The following SEMA3A variants were observed in gnomAD, a reference collection of about 807,000 sequenced individuals.
SEMA3A encodes the protein semaphorin 3A, also known as semaphorin-3A.
A neutral mutation model predicts 97.9 loss-of-function variants in SEMA3A; 29 were observed. The ratio of observed to expected loss-of-function variants is 0.30; its 90% CI spans 0.22 to 0.40. The LOEUF is 0.40. Among genes scored for constraint, SEMA3A ranks in the 10% least tolerant of loss-of-function variants. The probability of loss-of-function intolerance (pLI) is 1.00; values close to 1 mark genes in which losing one functional copy is unlikely to be tolerated. For missense variants in SEMA3A, 763 were observed against 951.3 expected (o/e 0.80, Z 2.60); for synonymous variants, 321 against 323.7 (o/e 0.99, Z 0.09).
intron 2 of SEMA3A, among the ~76,000 whole-genome samples, chr7:84,355,611 A>T (rs1315885990): frequency 6.6e-6 from 1 of 151,816 alleles, no homozygotes. Context: ...AAAATCCCCT[A>T]ATTTATCAAC....
chr7:84,270,182 C>T (rs1800107797), intron 3 of SEMA3A, among the ~76,000 whole-genome samples: 1 of 151,994 alleles, frequency 6.6e-6, no homozygotes, highest in South Asian at 2.1e-4. Flanking sequence ...CTACATTTTG[C>T]TTTATTTCTC....
At chr7:84,149,330 A>G (rs1236256933) in intron 1 of SEMA3A, among the ~76,000 whole-genome samples, 1 of 152,186 alleles carries the variant, frequency 6.6e-6, no homozygotes, top group Non-Finnish European at 1.5e-5. Context: ...ATTGTCTACA[A>G]TTGGGTCATA....
At chr7:84,490,199 CAAAAAAAAAA>C (rs35030948) in intron 1 of SEMA3A, among the ~76,000 whole-genome samples, 1 of 101,028 alleles carries the variant, frequency 9.9e-6, no homozygotes, top group South Asian at 3.5e-4. Flanking sequence ...GCTTTTCCAG[CAAAAAAAAAA>C]AAAAAAAAAA....
chr7:84,411,966 G>A (rs1804280833), intron 1 of SEMA3A, among the ~76,000 whole-genome samples: 2 of 152,008 alleles, frequency 1.3e-5, no homozygotes, highest in Non-Finnish European at 2.9e-5. Flanking sequence ...ATTCAAATGT[G>A]CACTTATTTT....
At chr7:84,112,223 T>C (rs1422510531) in intron 3 of SEMA3A, among the ~76,000 whole-genome samples, 1 of 152,206 alleles carries the variant, frequency 6.6e-6, no homozygotes, top group East Asian at 1.9e-4. Flanking sequence ...TTATCATCTC[T>C]GATTGTGGGC....
At chr7:84,203,892 A>T (rs1269462349) in intron 3 of SEMA3A, among the ~76,000 whole-genome samples, 2 of 152,072 alleles carry the variant, frequency 1.3e-5, no homozygotes, top group African/African-American at 4.8e-5. Flanking sequence ...ATTGGAGTGT[A>T]GGCCATGGCA....
At chr7:84,374,248 T>C (rs1405910719) in intron 1 of SEMA3A, among the ~76,000 whole-genome samples, 1 of 152,228 alleles carries the variant, frequency 6.6e-6, no homozygotes, top group Non-Finnish European at 1.5e-5. Flanking sequence ...ACAATTCCAT[T>C]CAAAGAATTC....
intron 1 of SEMA3A, among the ~76,000 whole-genome samples, chr7:84,453,767 A>C (rs971833617): frequency 6.6e-6 from 1 of 151,958 alleles, no homozygotes; most frequent in Non-Finnish European, 1.5e-5. Context: ...CTTTCTTTGC[A>C]AAAAAAACTT....
intron 1 of SEMA3A, among the ~76,000 whole-genome samples, chr7:84,135,990 T>C (rs1408068470): frequency 3.3e-5 from 5 of 152,208 alleles, no homozygotes; most frequent in Non-Finnish European, 7.3e-5. Flanking sequence ...TAAATATAAG[T>C]CCATTTTTGT....
At chr7:84,092,574 T>G (rs1488119523) in intron 4 of SEMA3A, among the ~76,000 whole-genome samples, 4 of 152,258 alleles carry the variant, frequency 2.6e-5, no homozygotes, top group East Asian at 1.9e-4. Context: ...ACAAAATTTT[T>G]GTGTCATACC....
chr7:84,162,176 G>C (rs139729960), intron 1 of SEMA3A, among the ~76,000 whole-genome samples: 1 of 152,092 alleles, frequency 6.6e-6, no homozygotes, highest in Non-Finnish European at 1.5e-5. Flanking sequence ...AGAAGCTCTT[G>C]TATGTTTGGA....
chr7:84,076,130 A>G (rs1793938047), intron 4 of SEMA3A, among the ~76,000 whole-genome samples: 1 of 152,184 alleles, frequency 6.6e-6, no homozygotes, highest in Admixed American at 6.6e-5. Flanking sequence ...ATTTATTACC[A>G]CAGATACACT....
intron 1 of SEMA3A, among the ~76,000 whole-genome samples, chr7:84,150,663 AG>A (rs1796619918): frequency 6.6e-6 from 1 of 151,838 alleles, no homozygotes; most frequent in Non-Finnish European, 1.5e-5. Flanking sequence ...AGGATGGGGG[AG>A]GGGCGCCCGC....
At chr7:84,035,125 A>G (rs948203393) in intron 6 of SEMA3A, among the ~76,000 whole-genome samples, 4 of 152,076 alleles carry the variant, frequency 2.6e-5, no homozygotes, top group African/African-American at 9.6e-5. Context: ...TCTATAAGAC[A>G]TGTTATACAT....
At chr7:84,206,522 A>G (rs1323346913) in intron 3 of SEMA3A, among the ~76,000 whole-genome samples, 6 of 151,956 alleles carry the variant, frequency 3.9e-5, no homozygotes, top group Non-Finnish European at 8.8e-5. Context: ...CAGGGTTTCA[A>G]CATGTTAGCC....
intron 6 of SEMA3A, among the ~76,000 whole-genome samples, chr7:84,024,121 G>C (rs1791451380): frequency 6.6e-6 from 1 of 152,022 alleles, no homozygotes; most frequent in African/African-American, 2.4e-5. Flanking sequence ...AACTCTTTCA[G>C]AAAGCAACAT....
At chr7:84,133,846 C>G (rs1030804763) in intron 2 of SEMA3A, among the ~76,000 whole-genome samples, 3 of 139,832 alleles carry the variant, frequency 2.1e-5, no homozygotes, top group African/African-American at 5.4e-5. Flanking sequence ...ATCAGGAGAT[C>G]GAGACCATCC....
intron 5 of SEMA3A, among the ~76,000 whole-genome samples, chr7:84,056,784 A>G (rs1052734871): frequency 6.6e-6 from 1 of 152,178 alleles, no homozygotes; most frequent in East Asian, 1.9e-4. Flanking sequence ...AACAGTTTAT[A>G]TGTCTACATG....
chr7:84,484,802 A>C (rs1020616993), intron 1 of SEMA3A, among the ~76,000 whole-genome samples: 1 of 152,186 alleles, frequency 6.6e-6, no homozygotes, highest in Non-Finnish European at 1.5e-5. Flanking sequence ...TGACTCATAT[A>C]AATAAAGTAT....
Sources: allele counts gnomAD v4.1 joint callset (sites outside exome capture counted in the v4.1 genomes callset), GRCh38; gene constraint gnomAD v4.1.1; transcripts MANE v1.5; gene names NCBI Gene and HGNC (gene_info 2026-07-23, HGNC 2026-07-21).